Variants in PTPRG observed in about 807,000 individuals in gnomAD.
The protein encoded by PTPRG is protein tyrosine phosphatase receptor type G.
Under a neutral mutation model 165.3 loss-of-function variants are expected in PTPRG, and 102 were observed. The ratio of observed to expected loss-of-function variants is 0.62; its 90% CI spans 0.53 to 0.73. The LOEUF (loss-of-function observed/expected upper bound fraction) is 0.73. Among genes scored for constraint, PTPRG ranks in the 30% least tolerant of loss-of-function variants. PTPRG has a pLI of 0.00. For synonymous variants in PTPRG, 675 were observed against 669.5 expected (o/e 1.01, Z -0.13); for missense variants, 1,866 against 1,861.4 (o/e 1.00, Z -0.05).
intron 2 of PTPRG, among the ~76,000 whole-genome samples, chr3:61,926,899 G>GA (rs145335755): frequency 0.032 from 4,855 of 151,280 alleles, 253 homozygotes; most frequent in African/African-American, 0.11. Flanking sequence ...AAACAAAAAC[G>GA]AAAAAAACAG....
chr3:61,903,500 A>C (rs2038555019), intron 2 of PTPRG, among the ~76,000 whole-genome samples: 1 of 152,008 alleles, frequency 6.6e-6, no homozygotes, highest in Non-Finnish European at 1.5e-5. Context: ...CAGCCTCCCA[A>C]GTAGTTGGGA....
chr3:61,781,925 A>G (rs2034559164), intron 2 of PTPRG, among the ~76,000 whole-genome samples: 2 of 145,860 alleles, frequency 1.4e-5, no homozygotes, highest in Admixed American at 7.0e-5. Flanking sequence ...GAGATGGGAT[A>G]CTACTATGTT....
rs576981837 is a variant in PTPRG, at chr3:62,081,251, C to T, written c.615+2993C>T. Among the ~76,000 whole-genome samples, 32 of 116,924 alleles carry T rather than the reference C, an allele frequency of 2.7e-4. No individual in the cohort carries two copies. The South Asian group carries it at 3.7e-3, about 13-fold the overall frequency. 76.7% of individuals were successfully genotyped at this position (116,924 alleles called of 152,430 possible). On this transcript the variant is annotated intron_variant, in intron 5 of 29. Transcript: ENST00000474889. ...CAGCCTGGGCGACAGAGTGAGACTC[C>T]GTCTCAAAACAAACAAACAAACAAA... is the stretch of plus-strand genomic sequence containing the variant.
intron 2 of PTPRG, among the ~76,000 whole-genome samples, chr3:61,807,724 G>A (rs1411938277): frequency 1.3e-5 from 2 of 152,078 alleles, no homozygotes; most frequent in African/African-American, 2.4e-5. Context: ...GTGTGTGTAC[G>A]TAAATATGTA....
intron 4 of PTPRG, among the ~76,000 whole-genome samples, chr3:62,035,206 T>C (rs994351306): frequency 2.0e-5 from 3 of 152,222 alleles, no homozygotes; most frequent in Non-Finnish European, 4.4e-5. Context: ...CTTCCCCAAG[T>C]AAAAGCCAGA....
At chr3:61,870,591 G>T (rs1242273849) in intron 2 of PTPRG, among the ~76,000 whole-genome samples, 1 of 142,542 alleles carries the variant, frequency 7.0e-6, no homozygotes, top group Non-Finnish European at 1.5e-5. Flanking sequence ...ATGTTGGCCA[G>T]GCTGGCCTCG....
chr3:61,649,723 G>C (rs1443886700), intron 1 of PTPRG, among the ~76,000 whole-genome samples: 1 of 152,154 alleles, frequency 6.6e-6, no homozygotes, highest in African/African-American at 2.4e-5. Context: ...TATAATGCAA[G>C]GCACTTTGCT....
At chr3:61,831,893 G>A (rs2036306495) in intron 2 of PTPRG, among the ~76,000 whole-genome samples, 4 of 152,072 alleles carry the variant, frequency 2.6e-5, no homozygotes, top group Admixed American at 2.6e-4. Context: ...TTTCTAATTG[G>A]TTCAGATGAG....
chr3:61,664,263 A>G (rs1229736511), intron 1 of PTPRG, among the ~76,000 whole-genome samples: 1 of 152,144 alleles, frequency 6.6e-6, no homozygotes, highest in African/African-American at 2.4e-5. Flanking sequence ...ATTTTTAAGA[A>G]GGTAACATTA....
chr3:61,689,027 C>T (rs765705807), intron 1 of PTPRG, among the ~76,000 whole-genome samples: 6 of 152,168 alleles, frequency 3.9e-5, no homozygotes, highest in East Asian at 1.9e-4. Flanking sequence ...CCAGTGCTGG[C>T]GAAACAGGCC....
intron 4 of PTPRG, among the ~76,000 whole-genome samples, chr3:62,041,765 G>A (rs891500404): frequency 6.6e-6 from 1 of 152,084 alleles, no homozygotes; most frequent in Non-Finnish European, 1.5e-5. Flanking sequence ...GGTGGTGATG[G>A]AGATGACAGT....
chr3:61,626,340 T>C (rs918733452), intron 1 of PTPRG, among the ~76,000 whole-genome samples: 3 of 152,208 alleles, frequency 2.0e-5, no homozygotes, highest in African/African-American at 7.2e-5. Flanking sequence ...AAATTGCTTA[T>C]TGCTGGAAAA....
chr3:61,987,713 C>G (rs571897432), intron 2 of PTPRG, among the ~76,000 whole-genome samples: 1 of 152,068 alleles, frequency 6.6e-6, no homozygotes, highest in African/African-American at 2.4e-5. Context: ...AGTAAAATTC[C>G]TATTTTGGTC....
At chr3:61,775,937 G>A (rs2107051219) in intron 2 of PTPRG, among the ~76,000 whole-genome samples, 1 of 148,480 alleles carries the variant, frequency 6.7e-6, no homozygotes, top group Non-Finnish European at 1.5e-5. Flanking sequence ...TGGGGTAGGG[G>A]GAGGGGGGAG....
At chr3:62,194,631 CG>C (rs1470738363) in intron 9 of PTPRG, among the ~76,000 whole-genome samples, 4 of 152,188 alleles carry the variant, frequency 2.6e-5, no homozygotes, top group South Asian at 2.1e-4. Flanking sequence ...GGCAAAACCC[CG>C]TCTCTACTAA....
At chr3:61,689,732 T>C (rs1389550272) in intron 1 of PTPRG, among the ~76,000 whole-genome samples, 1 of 152,166 alleles carries the variant, frequency 6.6e-6, no homozygotes, top group Non-Finnish European at 1.5e-5. Context: ...TGGTGGTGAG[T>C]AATTCTCCCC....
chr3:62,291,295 G>A (rs978357081), intron 28 of PTPRG, among the ~76,000 whole-genome samples: 1 of 152,130 alleles, frequency 6.6e-6, no homozygotes, highest in African/African-American at 2.4e-5. Flanking sequence ...AAGAAATATG[G>A]CAGTGTCTTT....
In PTPRG at chr3:62,228,101, A is replaced by G. The variant is rs1332414110; in HGVS notation, c.2289-3124A>G. Among the ~76,000 whole-genome samples, 1 of 152,080 alleles carries G rather than the reference A, an allele frequency of 6.6e-6. No homozygotes were observed. Among genetic ancestry groups the G allele is most frequent in the African/African-American group, 2.4e-5 (1 of 41,402 alleles). ...TGATTTTGCATTCCCCTGGGTTGCAATAGTGATCAAGGAAAATAGTGTGTT... is the reference window on the plus strand; with the variant it reads ...TGATTTTGCATTCCCCTGGGTTGCAGTAGTGATCAAGGAAAATAGTGTGTT... On this transcript the variant is annotated intron_variant, in intron 13 of 29. Coordinates refer to ENST00000474889, the MANE Select transcript of PTPRG (RefSeq NM_002841.4). This position sits in a 1 kb window ranked among gnomAD's most constrained non-coding sequence, Gnocchi z 4.1.
At chr3:62,157,643 G>A (rs1704589928) in intron 7 of PTPRG, among the ~76,000 whole-genome samples, 1 of 152,144 alleles carries the variant, frequency 6.6e-6, no homozygotes, top group Admixed American at 6.5e-5. Flanking sequence ...TGAGGAAGGT[G>A]CTGTGCATAC....
Sources: gnomAD v4.1 joint callset for allele counts (sites outside exome capture counted in the v4.1 genomes callset) on GRCh38, gnomAD v4.1.1 for gene constraint, Gnocchi (gnomAD v3.1) non-coding constraint, MANE v1.5 for transcripts, NCBI Gene and HGNC (gene_info 2026-07-23, HGNC 2026-07-21) for gene names.